BABAM2: variants seen among roughly 807,000 people sequenced by gnomAD.
BABAM2 encodes the protein BRISC and BRCA1-A complex member 2.
In BABAM2, 31 loss-of-function variants were observed where a neutral mutation model predicts 54.7. The observed-to-expected ratio is 0.57, with a 90% confidence interval of 0.43 to 0.77. BABAM2 has a LOEUF of 0.77. Among genes scored for constraint, BABAM2 ranks in the 30% least tolerant of loss-of-function variants. The pLI, the probability that BABAM2 is intolerant of heterozygous loss-of-function variation, is 0.00. For synonymous variants in BABAM2, 167 were observed against 162.9 expected (o/e 1.03, Z -0.19); for missense variants, 364 against 455.8 (o/e 0.80, Z 1.83).
chr2:28,005,063 T>A (rs1375913135), intron 4 of BABAM2, among the ~76,000 whole-genome samples: 1 of 152,172 alleles, frequency 6.6e-6, no homozygotes, highest in Non-Finnish European at 1.5e-5. Flanking sequence ...ATTCAGTAAA[T>A]CTATACAGAT....
intron 3 of BABAM2, among the ~76,000 whole-genome samples, chr2:27,981,038 A>G (rs1471579730): frequency 6.6e-6 from 1 of 152,118 alleles, no homozygotes; most frequent in Non-Finnish European, 1.5e-5. Context: ...TATATCTATA[A>G]TAGTTAAAAA....
In BABAM2 at chr2:27,995,121, G is replaced by A. The variant is rs556026560; in HGVS notation, c.300+7034G>A. 1.1e-4 allele frequency among the ~76,000 whole-genome samples: 17 copies of A among 152,218 alleles called. No homozygotes were observed. Among genetic ancestry groups the A allele is most frequent in the African/African-American group, 4.1e-4 (17 of 41,508 alleles). On this transcript the variant is annotated intron_variant, in intron 4 of 11. Transcript: ENST00000379624. The surrounding 1 kb of genome is among the most constrained non-coding windows in gnomAD (Gnocchi z 4.1). The stretch of plus-strand genomic sequence containing the variant: ...CCTACCTCCTTGTTGGAGAGGGTGT[G>A]GCTGCAGGCTACGGGAAGATGAAGA...
intron 11 of BABAM2, among the ~76,000 whole-genome samples, chr2:28,317,854 A>G (rs1020820208): frequency 5.9e-5 from 9 of 152,112 alleles, no homozygotes; most frequent in Admixed American, 5.9e-4. Flanking sequence ...ACGTTTTAAG[A>G]TTGTGCCTGA....
At chr2:28,160,741 T>G (rs528794717) in intron 7 of BABAM2, among the ~76,000 whole-genome samples, 4 of 151,404 alleles carry the variant, frequency 2.6e-5, no homozygotes, top group African/African-American at 7.3e-5. Context: ...AATTGTTTTT[T>G]TTTTTTTTTT....
intron 3 of BABAM2, among the ~76,000 whole-genome samples, chr2:27,941,284 G>T (rs1337832646): frequency 6.6e-6 from 1 of 152,164 alleles, no homozygotes; most frequent in African/African-American, 2.4e-5. Context: ...CAATAGAGCA[G>T]CCAGGCGCGG....
chr2:28,334,983 G>C (rs899247537), intron 11 of BABAM2, among the ~76,000 whole-genome samples: 5 of 152,166 alleles, frequency 3.3e-5, no homozygotes, highest in Non-Finnish European at 5.9e-5. Flanking sequence ...GCCAGAGAAG[G>C]TGGCGGTTTG....
chr2:27,947,019 A>AT (rs764056787), intron 3 of BABAM2, among the ~76,000 whole-genome samples: 2 of 150,720 alleles, frequency 1.3e-5, no homozygotes, highest in Non-Finnish European at 3.0e-5. Context: ...TAACAATTTT[A>AT]TTTTTTTTTA....
At chr2:28,235,203 C>G (rs533202430) in intron 7 of BABAM2, among the ~76,000 whole-genome samples, 1 of 152,252 alleles carries the variant, frequency 6.6e-6, no homozygotes, top group South Asian at 2.1e-4. Flanking sequence ...GAGATGGAGT[C>G]TCACTTTTAT....
chr2:28,319,649 G>A (rs7572380), intron 11 of BABAM2, among the ~76,000 whole-genome samples: 1,562 of 152,334 alleles, frequency 0.01, 22 homozygotes, highest in African/African-American at 0.036. Context: ...AAGTGTGGCT[G>A]GTGTCAGGGC....
At chr2:28,218,264 C>A (rs1377009479) in intron 7 of BABAM2, among the ~76,000 whole-genome samples, 1 of 152,202 alleles carries the variant, frequency 6.6e-6, no homozygotes, top group African/African-American at 2.4e-5. Flanking sequence ...TCAAATCAGG[C>A]AGTGTATCAT....
rs539367243 is a variant in BABAM2, at chr2:27,973,057, C to T, written c.206-14936C>T. Among the ~76,000 whole-genome samples the T allele has an allele frequency of 4.0e-5, 6 of 151,872 alleles. No homozygotes were observed. In the South Asian group the frequency reaches 1.0e-3, roughly 27 times the overall value. On this transcript the variant is annotated intron_variant, in intron 3 of 11. Transcript: ENST00000379624. ...TGCTAGGATTACAGTCATGAGCCAC[C>T]GTGCCTGGTCGTAATTATTAGCTTT... is the stretch of plus-strand genomic sequence containing the variant.
intron 3 of BABAM2, among the ~76,000 whole-genome samples, chr2:27,940,584 G>T (rs1225432551): frequency 6.6e-6 from 1 of 151,854 alleles, no homozygotes; most frequent in East Asian, 1.9e-4. Context: ...TTGAAATATT[G>T]TAAGTTATAT....
chr2:28,137,590 A>G (rs1052441383), intron 7 of BABAM2, among the ~76,000 whole-genome samples: 12 of 152,188 alleles, frequency 7.9e-5, no homozygotes, highest in African/African-American at 2.4e-4. Flanking sequence ...AAGAACCAGA[A>G]CAGAATTTAG....
In BABAM2 at chr2:28,221,929, T is replaced by C. The variant is rs111488588; in HGVS notation, c.681-15273T>C. ...CTTAAGGGCTCGCCTTGCTCCAGAG[T>C]GACCCTGATCCCAAGTTGGTTCCTA... On this transcript the variant is annotated intron_variant, in intron 7 of 11. Transcript: ENST00000379624. 2.7e-3 allele frequency among the ~76,000 whole-genome samples: 417 copies of C among 152,148 alleles called. 2 individuals are homozygous for C. Among genetic ancestry groups the C allele is most frequent in the Middle Eastern group, 0.027 (8 of 294 alleles).
chr2:28,097,937 G>C (rs1168603599), intron 6 of BABAM2, among the ~76,000 whole-genome samples: 1 of 151,986 alleles, frequency 6.6e-6, no homozygotes, highest in African/African-American at 2.4e-5. Context: ...TCTATTTTGG[G>C]TTTTTTCTAT....
intron 4 of BABAM2, among the ~76,000 whole-genome samples, chr2:27,998,206 C>G (rs1673311287): frequency 6.6e-6 from 1 of 151,966 alleles, no homozygotes; most frequent in Admixed American, 6.6e-5. Context: ...TGAAGATTAC[C>G]CATTGTCTTT....
At chr2:28,127,661 C>T (rs770019963) in intron 6 of BABAM2, among the ~76,000 whole-genome samples, 2 of 152,000 alleles carry the variant, frequency 1.3e-5, no homozygotes, top group African/African-American at 2.4e-5. Flanking sequence ...CAAGAGAATG[C>T]AGAGCAAGGA....
At chr2:28,078,675 G>A (rs1664906586) in intron 6 of BABAM2, among the ~76,000 whole-genome samples, 1 of 152,110 alleles carries the variant, frequency 6.6e-6, no homozygotes, top group African/African-American at 2.4e-5. Context: ...GGTTTGGGTG[G>A]GGGTGAGCAC....
At chr2:28,033,403 A>G (rs1288340946) in intron 5 of BABAM2, among the ~76,000 whole-genome samples, 2 of 152,126 alleles carry the variant, frequency 1.3e-5, no homozygotes, top group Non-Finnish European at 2.9e-5. Flanking sequence ...AGAAGTTGAG[A>G]AGTCCTAGGT....
Sources: gnomAD v4.1 joint callset for allele counts (sites outside exome capture counted in the v4.1 genomes callset) on GRCh38, gnomAD v4.1.1 for gene constraint, Gnocchi (gnomAD v3.1) non-coding constraint, MANE v1.5 for transcripts, NCBI Gene and HGNC (gene_info 2026-07-23, HGNC 2026-07-21) for gene names.